ACADS: variants seen among roughly 807,000 people sequenced by gnomAD.
The protein encoded by ACADS is acyl-CoA dehydrogenase short chain, also known as short-chain specific acyl-CoA dehydrogenase, mitochondrial.
A neutral mutation model predicts 46.8 loss-of-function variants in ACADS; 28 were observed. The ratio of observed to expected loss-of-function variants is 0.60; its 90% CI spans 0.44 to 0.82. The LOEUF is 0.82. ACADS is among the 40% of genes least tolerant of loss of function. The probability of loss-of-function intolerance (pLI) is 0.00; values close to 1 mark genes in which losing one functional copy is unlikely to be tolerated. For synonymous variants in ACADS, 236 were observed against 237.7 expected, an observed-to-expected ratio of 0.99 and a Z score of 0.07; for missense variants, 528 against 578.0, an observed-to-expected ratio of 0.91 and a Z score of 0.89.
chr12:120,727,080 T>G lies in ACADS; in HGVS notation c.101T>G (p.Leu34Arg). 6.2e-7 allele frequency: 1 copy of G among 1,614,214 alleles called. No homozygotes were observed. Among genetic ancestry groups the G allele is most frequent in the African/African-American group, 1.3e-5 (1 of 75,050 alleles). Reference sequence around the variant, plus strand: ...CACACCATCTACCAGTCTGTGGAACTGCCCGAGACACACCAGATGTTGCTC... The same window carrying G: ...CACACCATCTACCAGTCTGTGGAACGGCCCGAGACACACCAGATGTTGCTC... Reference protein sequence around the residue: ...QLHTIYQSVELPETHQMLLQT... With the variant: ...QLHTIYQSVERPETHQMLLQT... The change falls in exon 2 of 10, where the codon CTG (leucine) becomes CGG (arginine). Residue 34 changes from leucine to arginine, a missense_variant. Transcript: ENST00000242592.
rs746354286 is a variant in ACADS, at chr12:120,737,054, C to G, written c.279C>G (p.Leu93=). 3 of 1,607,314 alleles carry G rather than the reference C, an allele frequency of 1.9e-6. No individual in the cohort carries two copies. Residue 93 remains leucine (L), a synonymous_variant, in exon 3 of 10, where the codon CTC becomes CTG. Coordinates refer to ENST00000242592, the MANE Select transcript of ACADS (RefSeq NM_000017.4). ...DVPEELGGAG[L]DYLAYAIAME... is the part of the protein sequence containing the mutation. ...CCGAGGAGCTTGGCGGTGCTGGCCT[C>G]GATTACCTGGCCTACGCCATCGCCA...
At chr12:120,733,532 T>C (rs1303413027) in intron 2 of ACADS, among the ~76,000 whole-genome samples, 1 of 149,780 alleles carries the variant, frequency 6.7e-6, no homozygotes, top group Non-Finnish European at 1.5e-5. Flanking sequence ...CCCTAGTTGG[T>C]TCCTGCCTGC....
chr12:120,727,020 C>T lies in ACADS; in HGVS notation c.47-6C>T, dbSNP rs749023748. 4.6e-5 allele frequency: 74 copies of T among 1,613,980 alleles called. No individual in the cohort carries two copies. Among genetic ancestry groups the T allele is most frequent in the South Asian group, 9.9e-5 (9 of 91,082 alleles). ...TCCTTCCACTCACTTCTGCCCTTGC[C>T]GGCAGCTCTCTGTCCTAGGGCCTGG... On this transcript the variant is annotated splice_region_variant and splice_polypyrimidine_tract_variant and intron_variant, in intron 1 of 9. Coordinates refer to ENST00000242592, the MANE Select transcript of ACADS (RefSeq NM_000017.4).
At chr12:120,732,671 G>A (rs1431284244) in intron 2 of ACADS, among the ~76,000 whole-genome samples, 2 of 151,212 alleles carry the variant, frequency 1.3e-5, no homozygotes, top group Non-Finnish European at 2.9e-5. Flanking sequence ...ATGGGCGGCC[G>A]GGCAGAGACG....
chr12:120,734,401 C>G (rs1314446152), intron 2 of ACADS, among the ~76,000 whole-genome samples: 1 of 152,188 alleles, frequency 6.6e-6, no homozygotes, highest in East Asian at 1.9e-4. Flanking sequence ...GGTCATAGCT[C>G]AAGCCTCTCA....
intron 2 of ACADS, among the ~76,000 whole-genome samples, chr12:120,731,948 T>C (rs1049176106): frequency 1.2e-4 from 19 of 152,136 alleles, no homozygotes; most frequent in Non-Finnish European, 8.8e-5. Flanking sequence ...GAGCACAGGG[T>C]TGGGGGTAAG....
intron 2 of ACADS, among the ~76,000 whole-genome samples, chr12:120,727,868 A>G (rs954107180): frequency 6.6e-6 from 1 of 151,914 alleles, no homozygotes; most frequent in African/African-American, 2.4e-5. Context: ...CCATGGACTC[A>G]GACTTGTGAA....
At chr12:120,729,100 T>G (rs1038787585) in intron 2 of ACADS, among the ~76,000 whole-genome samples, 1 of 152,242 alleles carries the variant, frequency 6.6e-6, no homozygotes, top group Admixed American at 6.5e-5. Flanking sequence ...TTGAGATAGC[T>G]CTGAAGGTCA....
intron 5 of ACADS, 69 bp downstream of exon 5, chr12:120,738,057 C>G (rs772407824): frequency 9.3e-6 from 15 of 1,607,162 alleles, no homozygotes; most frequent in Non-Finnish European, 1.3e-5. Flanking sequence ...AGGGCCTTCT[C>G]TCCTTGGCCC....
chr12:120,731,461 T>G (rs1387056844), intron 2 of ACADS, among the ~76,000 whole-genome samples: 2 of 149,812 alleles, frequency 1.3e-5, no homozygotes, highest in East Asian at 3.9e-4. Flanking sequence ...AATAGTTTTT[T>G]TTTTTTTTTT....
At chr12:120,731,572 A>C (rs1883248164) in intron 2 of ACADS, among the ~76,000 whole-genome samples, 1 of 151,620 alleles carries the variant, frequency 6.6e-6, no homozygotes, top group Non-Finnish European at 1.5e-5. Flanking sequence ...CTCCTGTCTC[A>C]GCCTCCCAAG....
At chr12:120,731,553 C>A (rs11065231) in intron 2 of ACADS, among the ~76,000 whole-genome samples, 76,997 of 151,204 alleles carry the variant, frequency 0.51, 20,966 homozygotes, top group African/African-American at 0.72. Flanking sequence ...CTCCTGGGTA[C>A]AAATGATTCT....
rs1883579581 is a variant in ACADS at position 120,739,327 on chromosome 12, T to G, written c.1118T>G (p.Val373Gly). 6.2e-7 allele frequency: 1 copy of G among 1,612,926 alleles called. No individual in the cohort carries two copies. Among genetic ancestry groups the G allele is most frequent in the Non-Finnish European group, 8.5e-7 (1 of 1,179,940 alleles). The change falls in exon 10 of 10, where the codon GTG (valine) becomes GGG (glycine). Residue 373 changes from valine to glycine, a missense_variant. Val to Gly is a moderately radical substitution (Grantham distance 109). Transcript: ENST00000242592. ...CAGATCCTGGGCGGCATGGGCTACG[T>G]GACAGAGATGCCGGCAGAGCGGCAC... ...AIQILGGMGY[V>G]TEMPAERHYR...
chr12:120,738,191 G>A lies in ACADS; in HGVS notation c.625-89G>A, dbSNP rs576569093. The A allele has an allele frequency of 4.4e-5, 71 of 1,601,796 alleles. No individual in the cohort carries two copies. The African/African-American group carries it at 7.9e-4, about 18-fold the overall frequency. ...CAAGGCCTGAGCTTCTGAGGGAGGT[G>A]GGGAGGGGACCGGGTTGGTGTTGGG... On this transcript the variant is annotated intron_variant, in intron 5 of 9. Coordinates refer to ENST00000242592, the MANE Select transcript of ACADS (RefSeq NM_000017.4).
Position 120,727,019 on chromosome 12 carries a change from C to A in ACADS, c.47-7C>A, listed in dbSNP as rs1449953678. ...CTCCTTCCACTCACTTCTGCCCTTG[C>A]CGGCAGCTCTCTGTCCTAGGGCCTG... On this transcript the variant is annotated splice_region_variant and splice_polypyrimidine_tract_variant and intron_variant, in intron 1 of 9. Coordinates refer to ENST00000242592, the MANE Select transcript of ACADS (RefSeq NM_000017.4). 2 of 1,614,022 alleles carry A rather than the reference C, an allele frequency of 1.2e-6. No homozygotes were observed. The highest frequency in any genetic ancestry group is 1.3e-5 in the African/African-American group (1 of 74,926).
At chr12:120,732,958 G>C (rs1484058671) in intron 2 of ACADS, among the ~76,000 whole-genome samples, 1 of 83,412 alleles carries the variant, frequency 1.2e-5, no homozygotes, top group Non-Finnish European at 2.7e-5. Flanking sequence ...ACGAGACTCC[G>C]TCTGCAATCC....
Position 120,739,637 on chromosome 12 carries a change from CT to C in ACADS, c.*192del. 1 of 668,328 alleles carries C rather than the reference CT, an allele frequency of 1.5e-6. No individual in the cohort carries two copies. The highest frequency in any genetic ancestry group is 2.5e-6 in the Non-Finnish European group (1 of 398,554). 41.4% of individuals were successfully genotyped at this position (668,328 alleles called of 1,614,324 possible). On this transcript the variant is annotated 3_prime_UTR_variant, in exon 10 of 10. Coordinates refer to ENST00000242592, the MANE Select transcript of ACADS (RefSeq NM_000017.4). ...ACCATTGGCAGCTCCGCCTCTGGGC[CT>C]TTCCGCCTCCTCACCACTGTGCCTC...
chr12:120,732,353 G>T (rs1448856944), intron 2 of ACADS, among the ~76,000 whole-genome samples: 1 of 152,070 alleles, frequency 6.6e-6, no homozygotes, highest in South Asian at 2.1e-4. Flanking sequence ...GCCGGACGGG[G>T]TGGCTGCCGG....
In ACADS at chr12:120,738,153, CG is replaced by C. The variant is rs746608675; in HGVS notation, c.625-125del. The C allele has an allele frequency of 2.5e-6, 4 of 1,572,144 alleles. No homozygotes were observed. In the South Asian group the frequency reaches 4.6e-5, roughly 18 times the overall value. On this transcript the variant is annotated intron_variant, in intron 5 of 9. Transcript: ENST00000242592. ...TGAAGCCTGCACCTTCCCCAGAAGC[CG>C]GCAGAGGGTGTCAAGGCCTGAGCTT... is the stretch of plus-strand genomic sequence containing the variant.
Sources: gnomAD v4.1 joint callset for allele counts (sites outside exome capture counted in the v4.1 genomes callset) on GRCh38, gnomAD v4.1.1 for gene constraint, MANE v1.5 for transcripts, NCBI Gene and HGNC (gene_info 2026-07-23, HGNC 2026-07-21) for gene names.